NUP133: variants seen among roughly 807,000 people sequenced by gnomAD.
NUP133 encodes the protein nucleoporin 133.
NUP133 carries 66 observed loss-of-function variants against 146.2 expected under a neutral mutation model. The observed-to-expected ratio is 0.45, with a 90% confidence interval of 0.37 to 0.55. The LOEUF is 0.55. Ranked by LOEUF, NUP133 falls within the 20% of genes least tolerant of loss-of-function variation. NUP133 has a pLI of 0.00. For missense variants in NUP133, 1,277 were observed against 1,374.8 expected, an observed-to-expected ratio of 0.93 and a Z score of 1.12; for synonymous variants, 521 against 498.8, an observed-to-expected ratio of 1.04 and a Z score of -0.59.
At chr1:229,443,351 T>C (rs1660226226) in intron 25 of NUP133, among the ~76,000 whole-genome samples, 1 of 152,110 alleles carries the variant, frequency 6.6e-6, no homozygotes, top group African/African-American at 2.4e-5. Context: ...AATAAGACTT[T>C]TATAACACCA....
At position 229,441,385 on chromosome 1, in the gene NUP133, G is replaced by A. The variant is rs762608954; in HGVS notation, c.*519C>T. 1.9e-6 allele frequency: 1 copy of A among 531,248 alleles called. No individual in the cohort carries two copies. Among genetic ancestry groups the A allele is most frequent in the Non-Finnish European group, 3.9e-6 (1 of 259,140 alleles). 32.9% of individuals were successfully genotyped at this position (531,248 alleles called of 1,614,324 possible). ...TCAGTTATCAAGCTCACATGAGTTAGGCCCACTCTCCTTTGGTTTTTCATC... is the reference window on the plus strand; with the variant it reads ...TCAGTTATCAAGCTCACATGAGTTAAGCCCACTCTCCTTTGGTTTTTCATC... On this transcript the variant is annotated 3_prime_UTR_variant, in exon 26 of 26. Transcript: ENST00000261396.
rs755062079 is a variant in NUP133, at chr1:229,464,836, C to T, written c.2339G>A (p.Arg780His). The stretch of plus-strand genomic sequence containing the variant: ...CACCTTCAGGACAATCTCATGCTGG[C>T]GTATTATTACCGTTCGGATGCCACC... ...GPGGIRTVII[R>H]QHEIVLKVAY... Residue 780 changes from arginine to histidine, a missense_variant, in exon 18 of 26, where the codon CGC becomes CAC. Physicochemically the swap from Arg to His is conservative, Grantham distance 29. This residue lies in a region of NUP133 where 952 missense variants were observed against 1,047.0 expected (regional missense o/e 0.91). Transcript: ENST00000261396. 48 of 1,613,988 alleles carry T rather than the reference C, an allele frequency of 3.0e-5. No individual in the cohort carries two copies. Among genetic ancestry groups the T allele is most frequent in the East Asian group, 6.7e-5 (3 of 44,898 alleles).
intron 24 of NUP133, among the ~76,000 whole-genome samples, chr1:229,445,744 A>G (rs59712233): frequency 0.03 from 4,526 of 152,340 alleles, 220 homozygotes; most frequent in African/African-American, 0.1. Context: ...AGGAATTCTA[A>G]TCAAAATGAT....
At chr1:229,498,091 T>A in intron 6 of NUP133, 45 bp downstream of exon 6, 3 of 1,383,906 alleles carry the variant, frequency 2.2e-6, no homozygotes, top group Non-Finnish European at 2.0e-6. Flanking sequence ...ACTTATTGAT[T>A]TAACTAAGAA....
chr1:229,504,165 G>A (rs367857194), intron 2 of NUP133, among the ~76,000 whole-genome samples: 9 of 151,922 alleles, frequency 5.9e-5, no homozygotes, highest in East Asian at 5.8e-4. Flanking sequence ...CTGTTATTAA[G>A]TTATACAGTA....
chr1:229,465,892 CAAAAAAAA>C (rs71561801), intron 16 of NUP133, among the ~76,000 whole-genome samples: 1 of 77,378 alleles, frequency 1.3e-5, no homozygotes, highest in African/African-American at 4.4e-5. Flanking sequence ...CCATGTCTCA[CAAAAAAAA>C]AAAAAAAAAG....
intron 2 of NUP133, among the ~76,000 whole-genome samples, chr1:229,504,192 G>A (rs1661878331): frequency 6.6e-6 from 1 of 151,850 alleles, no homozygotes; most frequent in Admixed American, 6.6e-5. Context: ...GTTATTCACA[G>A]TATAATACAT....
chr1:229,503,120 A>T (rs951613804), intron 2 of NUP133, among the ~76,000 whole-genome samples: 1 of 151,736 alleles, frequency 6.6e-6, no homozygotes, highest in South Asian at 2.1e-4. Context: ...AGAAAAAAAA[A>T]TTAGCCAGGC....
intron 12 of NUP133, among the ~76,000 whole-genome samples, chr1:229,480,029 T>C (rs191973977): frequency 6.6e-6 from 1 of 152,308 alleles, no homozygotes; most frequent in East Asian, 1.9e-4. Flanking sequence ...TGAAAGGATG[T>C]AGTCTTAAGT....
intron 24 of NUP133, among the ~76,000 whole-genome samples, chr1:229,447,104 A>G (rs570376676): frequency 6.6e-6 from 1 of 152,334 alleles, no homozygotes; most frequent in East Asian, 1.9e-4. Context: ...AGCCTGGGCA[A>G]CAAGAGTGAA....
chr1:229,463,767 C>G (rs1660749677), intron 18 of NUP133, 91 bp from the exon 19 acceptor site: 1 of 1,313,192 alleles, frequency 7.6e-7, no homozygotes. Context: ...ATCTTTATTC[C>G]TATTATAAAC....
At chr1:229,442,808 C>T (rs1475993730) in intron 25 of NUP133, among the ~76,000 whole-genome samples, 2 of 150,634 alleles carry the variant, frequency 1.3e-5, no homozygotes, top group Non-Finnish European at 2.9e-5. Context: ...TGGGTTCAAG[C>T]GATTCTCCTG....
At chr1:229,471,200 T>C (rs112421679) in intron 14 of NUP133, among the ~76,000 whole-genome samples, 2 of 152,196 alleles carry the variant, frequency 1.3e-5, no homozygotes, top group African/African-American at 4.8e-5. Flanking sequence ...CAGGTCACCC[T>C]AACCTTAAAC....
chr1:229,466,850 C>G (rs1441996152), intron 15 of NUP133, 94 bp from the exon 16 acceptor site: 1 of 1,199,568 alleles, frequency 8.3e-7, no homozygotes, highest in African/African-American at 1.5e-5. Context: ...GCCATATCCT[C>G]AGACCTATAG....
chr1:229,484,850 T>G (rs991644769), intron 11 of NUP133, among the ~76,000 whole-genome samples: 3 of 152,102 alleles, frequency 2.0e-5, no homozygotes, highest in Non-Finnish European at 4.4e-5. Context: ...TTTTGTACTT[T>G]GTATAATTTT....
chr1:229,465,954 T>G (rs1238381085), intron 16 of NUP133, among the ~76,000 whole-genome samples: 2 of 151,374 alleles, frequency 1.3e-5, no homozygotes, highest in Non-Finnish European at 2.9e-5. Context: ...CAGATCTGCA[T>G]GATTACTTTT....
chr1:229,503,912 T>C (rs1366072479), intron 2 of NUP133, among the ~76,000 whole-genome samples: 1 of 152,116 alleles, frequency 6.6e-6, no homozygotes, highest in African/African-American at 2.4e-5. Context: ...AAAATATGAG[T>C]AGTACATTAA....
chr1:229,465,308 G>T, intron 17 of NUP133, 112 bp downstream of exon 17: 1 of 784,956 alleles, frequency 1.3e-6, no homozygotes, highest in South Asian at 1.6e-5. Context: ...TTTTGGAGAC[G>T]GCACTTTTTC....
intron 24 of NUP133, among the ~76,000 whole-genome samples, chr1:229,445,944 G>T (rs1487472993): frequency 6.6e-6 from 1 of 152,192 alleles, no homozygotes; most frequent in African/African-American, 2.4e-5. Flanking sequence ...AAGGAAAATT[G>T]TGAGTAGGAG....
Sources: gnomAD v4.1 joint callset for allele counts (sites outside exome capture counted in the v4.1 genomes callset) on GRCh38, gnomAD v4.1.1 for gene constraint, gnomAD v4.1.1 regional missense constraint, MANE v1.5 for transcripts, NCBI Gene and HGNC (gene_info 2026-07-23, HGNC 2026-07-21) for gene names.